The following SNRNP40 variants were observed in gnomAD, a reference collection of about 807,000 sequenced individuals.
The protein encoded by SNRNP40 is U5 small nuclear ribonucleoprotein 40 kDa protein.
A neutral mutation model predicts 45.8 loss-of-function variants in SNRNP40; 21 were observed. The ratio of observed to expected loss-of-function variants is 0.46; its 90% CI spans 0.32 to 0.66. SNRNP40 has a LOEUF of 0.66. SNRNP40 is among the 30% of genes least tolerant of loss of function. The pLI is 0.03. For missense variants in SNRNP40, 344 were observed against 439.1 expected (o/e 0.78, Z 1.94); for synonymous variants, 142 against 163.8 (o/e 0.87, Z 1.01).
chr1:31,289,223 A>G, intron 4 of SNRNP40, 31 bp downstream of exon 4: 1 of 1,607,972 alleles, frequency 6.2e-7, no homozygotes, highest in South Asian at 1.1e-5. Flanking sequence ...ACATCACCTC[A>G]GAAACTGGAA....
At chr1:31,293,383 TACAG>T (rs1207346461) in intron 1 of SNRNP40, 35 bp from the exon 2 acceptor site, 3 of 1,567,914 alleles carry the variant, frequency 1.9e-6, no homozygotes, top group East Asian at 4.5e-5. Flanking sequence ...AACTACTGCA[TACAG>T]ACAAAGGAGG....
intron 8 of SNRNP40, among the ~76,000 whole-genome samples, chr1:31,267,191 C>A (rs750101600): frequency 6.6e-6 from 1 of 151,968 alleles, no homozygotes; most frequent in Non-Finnish European, 1.5e-5. Flanking sequence ...ATTCCATGTG[C>A]GCAGCATTGT....
rs1296634212 is a variant in SNRNP40 at position 31,271,463 on chromosome 1, T to C, written c.691A>G (p.Met231Val). ...DLRQNKLTYTMRGHADSVTGL... is the reference protein window; with the variant it reads ...DLRQNKLTYTVRGHADSVTGL... ...GTCACTGAATCTGCATGGCCTCTCA[T>C]GGTGTAGGTTAGCTTGTTCTGGCGC... is the stretch of plus-strand genomic sequence containing the variant. Residue 231 changes from methionine to valine, a missense_variant, in exon 6 of 10, where the codon ATG (methionine) becomes GTG (valine). Coordinates refer to ENST00000263694, the MANE Select transcript of SNRNP40 (RefSeq NM_004814.3). The C allele has an allele frequency of 2.9e-5, 47 of 1,613,880 alleles. No homozygotes were observed. The highest frequency in any genetic ancestry group is 3.9e-5 in the Non-Finnish European group (46 of 1,179,954).
At chr1:31,285,502 G>A (rs1646051523) in intron 4 of SNRNP40, among the ~76,000 whole-genome samples, 1 of 152,102 alleles carries the variant, frequency 6.6e-6, no homozygotes, top group Non-Finnish European at 1.5e-5. Context: ...GCCTCCCAAA[G>A]TGCTAGGATT....
At chr1:31,289,178 G>A (rs1222336094) in intron 4 of SNRNP40, 76 bp downstream of exon 4, 3 of 1,351,608 alleles carry the variant, frequency 2.2e-6, no homozygotes, top group East Asian at 4.7e-5. Context: ...CAGGAAGCTA[G>A]AGTACAAGTG....
At chr1:31,291,358 T>C (rs1407810461) in intron 3 of SNRNP40, among the ~76,000 whole-genome samples, 4 of 151,850 alleles carry the variant, frequency 2.6e-5, no homozygotes, top group Non-Finnish European at 2.9e-5. Context: ...ATCTTTCTGC[T>C]TTTTTTGGTT....
At chr1:31,288,922 G>A (rs945912540) in intron 4 of SNRNP40, among the ~76,000 whole-genome samples, 1 of 152,018 alleles carries the variant, frequency 6.6e-6, no homozygotes, top group African/African-American at 2.4e-5. Flanking sequence ...TAGTAGAGAC[G>A]GGGTTTCACC....
At chr1:31,263,875 G>C (rs557643846) in intron 8 of SNRNP40, among the ~76,000 whole-genome samples, 1 of 127,120 alleles carries the variant, frequency 7.9e-6, no homozygotes, top group African/African-American at 3.1e-5. Context: ...ATATACTCTC[G>C]TATTTTACTT....
chr1:31,266,421 G>A (rs1418801177), intron 8 of SNRNP40, among the ~76,000 whole-genome samples: 1 of 152,050 alleles, frequency 6.6e-6, no homozygotes. Context: ...GCTGTCAGAG[G>A]GTCTTATTGT....
chr1:31,281,503 C>T lies in SNRNP40; in HGVS notation c.532-7G>A, dbSNP rs1451369095. On this transcript the variant is annotated splice_polypyrimidine_tract_variant and splice_region_variant and intron_variant, in intron 4 of 9. Coordinates refer to ENST00000263694, the MANE Select transcript of SNRNP40 (RefSeq NM_004814.3). ...TCTTCCGGATGTCCCAAAGCTGAAG[C>T]AAAGGACAAGACAGTCTATCAGCAA... 1.9e-6 allele frequency: 3 copies of T among 1,600,442 alleles called. No individual in the cohort carries two copies. The highest frequency in any genetic ancestry group is 1.7e-5 in the Admixed American group (1 of 59,806).
chr1:31,275,391 CA>C (rs1297375061), intron 5 of SNRNP40, among the ~76,000 whole-genome samples: 1 of 151,270 alleles, frequency 6.6e-6, no homozygotes, highest in African/African-American at 2.4e-5. Flanking sequence ...CATGTAACAA[CA>C]GGGTATTTTT....
intron 4 of SNRNP40, among the ~76,000 whole-genome samples, chr1:31,282,689 A>C (rs1214119469): frequency 1.3e-5 from 2 of 151,208 alleles, no homozygotes; most frequent in African/African-American, 4.9e-5. Context: ...CTATCTATCT[A>C]TCTAGGGACA....
rs74429774 is a variant in SNRNP40 at position 31,276,552 on chromosome 1, G to A, written c.654+4822C>T. On this transcript the variant is annotated intron_variant, in intron 5 of 9. Transcript: ENST00000263694. ...CAGCAATGCATCAAAGGTGGGGGTG[G>A]GGGATTCCTGACAAAGGAGCAGCTA... 4.8e-3 allele frequency among the ~76,000 whole-genome samples: 731 copies of A among 152,104 alleles called. 11 individuals carry two copies. The highest frequency in any genetic ancestry group is 0.016 in the African/African-American group (680 of 41,508).
intron 4 of SNRNP40, among the ~76,000 whole-genome samples, chr1:31,285,851 A>G (rs1408416194): frequency 1.3e-5 from 2 of 152,204 alleles, no homozygotes; most frequent in Non-Finnish European, 2.9e-5. Flanking sequence ...GATTTAAGTT[A>G]TACATCTTTG....
intron 1 of SNRNP40, 104 bp from the exon 2 acceptor site, chr1:31,293,452 A>C: frequency 8.5e-7 from 1 of 1,176,462 alleles, no homozygotes; most frequent in Non-Finnish European, 1.2e-6. Context: ...ACAATGATTA[A>C]GTGGGTTTCA....
At chr1:31,263,913 TAAAA>T (rs11419603) in intron 8 of SNRNP40, among the ~76,000 whole-genome samples, 1 of 107,006 alleles carries the variant, frequency 9.3e-6, no homozygotes. Context: ...ATGTACTGGC[TAAAA>T]AAAAAAAAAA....
chr1:31,280,497 G>C (rs1646008243), intron 5 of SNRNP40, among the ~76,000 whole-genome samples: 1 of 151,976 alleles, frequency 6.6e-6, no homozygotes, highest in Non-Finnish European at 1.5e-5. Context: ...TAACAGCAAA[G>C]GAAACAATGA....
In SNRNP40 at chr1:31,259,726, C is replaced by T; in HGVS notation, c.*346G>A. On this transcript the variant is annotated 3_prime_UTR_variant, in exon 10 of 10. Transcript: ENST00000263694. ...TAATACAAAATGATATAGAGAAATA[C>T]AGAAAGAAAATATCATACAAGCCAG... 1 of 410,702 alleles carries T rather than the reference C, an allele frequency of 2.4e-6. No individual in the cohort carries two copies. The highest frequency in any genetic ancestry group is 1.8e-5 in the South Asian group (1 of 56,014). The allele number at this position is 410,702 out of a possible 1,614,324, so 25.4% of individuals were successfully genotyped here.
chr1:31,265,283 C>T (rs1321968740), intron 8 of SNRNP40, among the ~76,000 whole-genome samples: 2 of 152,018 alleles, frequency 1.3e-5, no homozygotes, highest in Non-Finnish European at 2.9e-5. Context: ...CACTACTATG[C>T]CTGGCTAATT....
Sources: allele counts gnomAD v4.1 joint callset (sites outside exome capture counted in the v4.1 genomes callset), GRCh38; gene constraint gnomAD v4.1.1; transcripts MANE v1.5; gene names NCBI Gene and HGNC (gene_info 2026-07-23, HGNC 2026-07-21).